The following MIB1 variants were observed in gnomAD, a reference collection of about 807,000 sequenced individuals.
MIB1 encodes E3 ubiquitin-protein ligase MIB1.
Under a neutral mutation model 124.5 loss-of-function variants are expected in MIB1, and 278 were observed. The observed-to-expected ratio is 2.23, with a 90% CI of 2.02 to 2.47. The LOEUF (loss-of-function observed/expected upper bound fraction) is 2.47. Ranked by LOEUF, MIB1 falls within the 30% of genes most tolerant of loss-of-function variation. The probability of loss-of-function intolerance (pLI) is 0.00; values close to 1 mark genes in which losing one functional copy is unlikely to be tolerated. For missense variants in MIB1, 957 were observed against 1,254.4 expected (o/e 0.76, Z 3.58); for synonymous variants, 446 against 429.4 (o/e 1.04, Z -0.48).
At chr18:21,778,793 A>AT (rs970939931) in intron 5 of MIB1, among the ~76,000 whole-genome samples, 15 of 151,066 alleles carry the variant, frequency 9.9e-5, no homozygotes, top group African/African-American at 3.2e-4. Context: ...GTATACCTTA[A>AT]TTTTTTTTTA....
At chr18:21,706,911 C>T (rs964648542) in intron 1 of MIB1, among the ~76,000 whole-genome samples, 3 of 152,212 alleles carry the variant, frequency 2.0e-5, no homozygotes, top group African/African-American at 4.8e-5. Flanking sequence ...GTGGGGCTGA[C>T]GGGGCAGTAC....
In MIB1 at chr18:21,868,564, A is replaced by G. The variant is rs1469308015; in HGVS notation, c.*3898A>G. On this transcript the variant is annotated 3_prime_UTR_variant, in exon 21 of 21. Coordinates refer to ENST00000261537, the MANE Select transcript of MIB1 (RefSeq NM_020774.4). ...GCTTTGAGTTTGTACAATTGGGAACATAATAGATTTTCATAAATTATGTGT... is the reference window on the plus strand; with the variant it reads ...GCTTTGAGTTTGTACAATTGGGAACGTAATAGATTTTCATAAATTATGTGT... 3 of 152,450 alleles carry G rather than the reference A, an allele frequency of 2.0e-5. No homozygotes were observed. Among genetic ancestry groups the G allele is most frequent in the Non-Finnish European group, 4.4e-5 (3 of 67,884 alleles). 9.4% of individuals were successfully genotyped at this position (152,450 alleles called of 1,614,324 possible).
In MIB1 at chr18:21,868,553, C is replaced by T. The variant is rs1174116868; in HGVS notation, c.*3887C>T. 1.3e-5 allele frequency: 2 copies of T among 152,348 alleles called. No homozygotes were observed. Among genetic ancestry groups the T allele is most frequent in the African/African-American group, 4.8e-5 (2 of 41,406 alleles). 9.4% of individuals were successfully genotyped at this position (152,348 alleles called of 1,614,324 possible). A position where few individuals can be genotyped will look rare whatever the true frequency, so the allele number is the denominator to read the frequency against. ...GAATTAGATTAGCTTTGAGTTTGTACAATTGGGAACATAATAGATTTTCAT... is the reference window on the plus strand; with the variant it reads ...GAATTAGATTAGCTTTGAGTTTGTATAATTGGGAACATAATAGATTTTCAT... On this transcript the variant is annotated 3_prime_UTR_variant, in exon 21 of 21. Coordinates refer to ENST00000261537, the MANE Select transcript of MIB1 (RefSeq NM_020774.4).
rs202196373 is a variant in MIB1 at position 21,791,472 on chromosome 18, G to A, written c.1007G>A (p.Gly336Asp). 2 of 1,614,062 alleles carry A rather than the reference G, an allele frequency of 1.2e-6. No individual in the cohort carries two copies. The highest frequency in any genetic ancestry group is 2.7e-5 in the African/African-American group (2 of 75,032). The stretch of plus-strand genomic sequence containing the variant: ...GGAGGCACCTCGCAGTTTCAAGTGG[G>A]TGATCTTGTACAAGTTTGTTATGAC... ...AEGGTSQFQVGDLVQVCYDLE... is the reference protein window; with the variant it reads ...AEGGTSQFQVDDLVQVCYDLE... The change falls in exon 7 of 21, where the codon GGT (glycine) becomes GAT (aspartate). Residue 336 changes from glycine to aspartate, a missense_variant. Coordinates refer to ENST00000261537, the MANE Select transcript of MIB1 (RefSeq NM_020774.4).
intron 12 of MIB1, chr18:21,829,047 T>C (rs1257318520): frequency 1.6e-5 from 8 of 484,932 alleles, no homozygotes; most frequent in Non-Finnish European, 3.4e-5. Context: ...TAGCATTGTA[T>C]GTTCATATGG....
At chr18:21,779,433 G>T (rs1178703064) in intron 5 of MIB1, 48 bp from the exon 6 acceptor site, 18 of 1,451,370 alleles carry the variant, frequency 1.2e-5, no homozygotes, top group African/African-American at 1.1e-4. Flanking sequence ...GCTGCCTGTT[G>T]TTGTGAGGTT....
At chr18:21,757,316 G>A (rs2041044022) in intron 1 of MIB1, among the ~76,000 whole-genome samples, 1 of 151,114 alleles carries the variant, frequency 6.6e-6, no homozygotes, top group Non-Finnish European at 1.5e-5. Context: ...GCCGGTTGTG[G>A]TGGCACATGC....
At chr18:21,767,759 G>A (rs537940193) in intron 2 of MIB1, among the ~76,000 whole-genome samples, 8 of 152,236 alleles carry the variant, frequency 5.3e-5, no homozygotes, top group Admixed American at 2.6e-4. Flanking sequence ...GTGTTAGTCA[G>A]GATGGTCTCG....
At position 21,865,414 on chromosome 18, in the gene MIB1, A is replaced by G. The variant is rs1319997125; in HGVS notation, c.*748A>G. 1.3e-5 allele frequency: 2 copies of G among 152,198 alleles called. No homozygotes were observed. The highest frequency in any genetic ancestry group is 2.9e-5 in the Non-Finnish European group (2 of 68,034). 9.4% of individuals were successfully genotyped at this position (152,198 alleles called of 1,614,324 possible). On this transcript the variant is annotated 3_prime_UTR_variant, in exon 21 of 21. Transcript: ENST00000261537. ...GAAGAGAAAAAAAAAACGAGTATCT[A>G]TTAACTGGCCACTAACAGTTGCCTT...
rs1056540509 is a variant in MIB1 at position 21,853,130 on chromosome 18, T to C, written c.2587-10T>C. The C allele has an allele frequency of 1.4e-5, 22 of 1,604,036 alleles. No homozygotes were observed. Among genetic ancestry groups the C allele is most frequent in the Non-Finnish European group, 1.9e-5 (22 of 1,171,256 alleles). ...AAATGGTCACTGTGCTGTAACCTCT[T>C]TTTCTATAGATTGAAGAATGTGTGG... On this transcript the variant is annotated splice_polypyrimidine_tract_variant and intron_variant, in intron 17 of 20. Transcript: ENST00000261537.
chr18:21,773,589 TA>T (rs2041246261), intron 3 of MIB1, 34 bp from the exon 4 acceptor site: 2 of 1,485,056 alleles, frequency 1.3e-6, no homozygotes, highest in Middle Eastern at 1.7e-4. Context: ...CCCTCCCCTT[TA>T]AAAAACTTCT....
At position 21,765,925 on chromosome 18, in the gene MIB1, C is replaced by A; in HGVS notation, c.383C>A (p.Thr128Asn). The change falls in exon 2 of 21, where the codon ACT (threonine) becomes AAT (asparagine). Residue 128 changes from threonine (T) to asparagine (N), a missense_variant. Transcript: ENST00000261537. ...HHLRHRFYRI[T>N]TPGSERVLLE... ...TTAAGACATCGCTTTTACCGAATTA[C>A]TACACCGGGAAGTGAGAGGTAGGGA... is the stretch of plus-strand genomic sequence containing the variant. 3 of 1,614,056 alleles carry A rather than the reference C, an allele frequency of 1.9e-6. No homozygotes were observed. The highest frequency in any genetic ancestry group is 2.5e-6 in the Non-Finnish European group (3 of 1,179,922).
At chr18:21,720,661 G>A (rs2040710343) in intron 1 of MIB1, among the ~76,000 whole-genome samples, 1 of 152,046 alleles carries the variant, frequency 6.6e-6, no homozygotes, top group Non-Finnish European at 1.5e-5. Context: ...AAGTTAAGGA[G>A]TTACAAGCCT....
chr18:21,741,775 G>A lies in MIB1; in HGVS notation c.192G>A (p.Gly64=). 6.2e-7 allele frequency: 1 copy of A among 1,608,968 alleles called. No homozygotes were observed. The highest frequency in any genetic ancestry group is 8.5e-7 in the Non-Finnish European group (1 of 1,178,494). ...CAGCTGCCAACTACCGCTGCTCCGGGGCTTACGACCTCCGCATCCTGGACA... is the reference window on the plus strand; with the variant it reads ...CAGCTGCCAACTACCGCTGCTCCGGAGCTTACGACCTCCGCATCCTGGACA... ...NGTAANYRCS[G]AYDLRILDSA... Residue 64 remains glycine, a synonymous_variant, in exon 1 of 21, where the codon GGG becomes GGA. Coordinates refer to ENST00000261537, the MANE Select transcript of MIB1 (RefSeq NM_020774.4). This position sits in a 1 kb window ranked among gnomAD's most constrained non-coding sequence, Gnocchi z 5.4.
chr18:21,857,024 A>G, intron 18 of MIB1, 106 bp from the exon 19 acceptor site: 1 of 743,390 alleles, frequency 1.3e-6, no homozygotes, highest in Non-Finnish European at 2.4e-6. Flanking sequence ...TAACTTGTAT[A>G]ACATTTATTT....
chr18:21,713,967 GAA>G (rs1392565189), intron 1 of MIB1, among the ~76,000 whole-genome samples: 1 of 152,170 alleles, frequency 6.6e-6, no homozygotes, highest in Non-Finnish European at 1.5e-5. Context: ...GAAATTTGGA[GAA>G]AATTTTTAAT....
At chr18:21,857,063 G>T in intron 18 of MIB1, 67 bp from the exon 19 acceptor site, 1 of 1,010,764 alleles carries the variant, frequency 9.9e-7, no homozygotes. Context: ...ATAAAAATTA[G>T]CAGAGAAAGG....
upstream of MIB1, among the ~76,000 whole-genome samples, chr18:21,738,656 A>G (rs771290483): frequency 2.0e-5 from 3 of 151,406 alleles, no homozygotes; most frequent in Non-Finnish European, 4.4e-5. Flanking sequence ...AAATACAACA[A>G]ATTAGCTGGG....
intron 16 of MIB1, among the ~76,000 whole-genome samples, chr18:21,848,075 C>G (rs2042150159): frequency 6.6e-6 from 1 of 152,114 alleles, no homozygotes; most frequent in African/African-American, 2.4e-5. Flanking sequence ...GGAATCTGTG[C>G]ATAGAACTGT....
Sources: gnomAD v4.1 joint callset for allele counts (sites outside exome capture counted in the v4.1 genomes callset) on GRCh38, gnomAD v4.1.1 for gene constraint, Gnocchi (gnomAD v3.1) non-coding constraint, MANE v1.5 for transcripts, NCBI Gene and HGNC (gene_info 2026-07-23, HGNC 2026-07-21) for gene names.